The following LRCH2 variants were observed in gnomAD, a reference collection of about 807,000 sequenced individuals.
LRCH2 encodes the protein leucine rich repeats and calponin homology domain containing 2.
In LRCH2, 38 loss-of-function variants were observed where a neutral mutation model predicts 68.9. That is an observed-to-expected ratio of 0.55 (90% CI 0.43 to 0.72). The LOEUF is 0.72. Ranked by LOEUF, LRCH2 falls within the 30% of genes least tolerant of loss-of-function variation. The pLI is 0.00. For synonymous variants in LRCH2, 191 were observed against 208.1 expected (o/e 0.92, Z 0.71); for missense variants, 528 against 572.9 (o/e 0.92, Z 0.80).
intron 2 of LRCH2, 151 bp downstream of exon 2, chrX:115,188,075 T>C: frequency 2.5e-6 from 1 of 405,402 alleles, no homozygotes; most frequent in Non-Finnish European, 4.1e-6. Flanking sequence ...GACAAAAGCC[T>C]ACAAAATAAT....
intron 5 of LRCH2, among the ~76,000 whole-genome samples, chrX:115,171,838 C>T (rs1311650932): frequency 9.2e-6 from 1 of 109,026 alleles, no homozygotes; most frequent in African/African-American, 3.3e-5. Context: ...CACCACCATG[C>T]CCGGCTAATC....
intron 1 of LRCH2, chrX:115,192,327 G>A: frequency 1.9e-6 from 2 of 1,079,077 alleles, no homozygotes; most frequent in Middle Eastern, 2.5e-4. Flanking sequence ...CCCACAGTGG[G>A]GGCCGCGACA....
intron 14 of LRCH2, among the ~76,000 whole-genome samples, chrX:115,135,311 G>A (rs781877807): frequency 9.3e-6 from 1 of 107,756 alleles, no homozygotes; most frequent in Non-Finnish European, 1.9e-5. Context: ...TGTATTTTTT[G>A]TAGAGACGGG....
At chrX:115,121,050 T>C (rs1190893148) in intron 20 of LRCH2, among the ~76,000 whole-genome samples, 3 of 105,876 alleles carry the variant, frequency 2.8e-5, no homozygotes, top group South Asian at 4.3e-4. Flanking sequence ...AGGGATAGCA[T>C]TGGGAGATAT....
chrX:115,141,346 T>A (rs1400678905), intron 14 of LRCH2, among the ~76,000 whole-genome samples: 2 of 111,307 alleles, frequency 1.8e-5, no homozygotes, highest in East Asian at 5.6e-4. Context: ...TTTAAACATT[T>A]TAGGGAGACA....
chrX:115,123,985 A>G lies in LRCH2; in HGVS notation c.1809T>C (p.Asp603=). The G allele has an allele frequency of 9.1e-7, 1 of 1,099,691 alleles. No homozygotes were observed. The highest frequency in any genetic ancestry group is 2.9e-5 in the Admixed American group (1 of 35,076). 90.6% of individuals were successfully genotyped at this position (1,099,691 alleles called of 1,213,427 possible). Reference sequence around the variant, plus strand: ...AGCCAAAGGGACTGTGTGAAAAACCATCAGTTCTGTCATATTCCTAAAAAA... The same window carrying G: ...AGCCAAAGGGACTGTGTGAAAAACCGTCAGTTCTGTCATATTCCTAAAAAA... ...PVSSEEYDRT[D]GFSHSPFGLK... is the part of the protein sequence containing the mutation. The change falls in exon 17 of 21, where the codon GAT becomes GAC. Residue 603 remains aspartate (D), a synonymous_variant. Coordinates refer to ENST00000317135, the MANE Select transcript of LRCH2 (RefSeq NM_020871.4).
chrX:115,224,212 G>C (rs2073103858), intron 1 of LRCH2, among the ~76,000 whole-genome samples: 1 of 111,552 alleles, frequency 9.0e-6, no homozygotes, highest in African/African-American at 3.3e-5. Flanking sequence ...GGTTTGATTG[G>C]TTGGGGAGGA....
intron 3 of LRCH2, among the ~76,000 whole-genome samples, chrX:115,180,047 G>T (rs2072679940): frequency 9.0e-6 from 1 of 110,727 alleles, no homozygotes; most frequent in Admixed American, 9.7e-5. Context: ...AAAACCAGAA[G>T]TAAGAATGAT....
At chrX:115,194,020 C>T (rs2072868184) in intron 1 of LRCH2, among the ~76,000 whole-genome samples, 2 of 111,117 alleles carry the variant, frequency 1.8e-5, no homozygotes, top group Non-Finnish European at 1.9e-5. Flanking sequence ...ATAAAAACAA[C>T]CTCCTCTCAG....
intron 14 of LRCH2, among the ~76,000 whole-genome samples, chrX:115,143,849 A>G (rs2072359564): frequency 8.9e-6 from 1 of 112,122 alleles, no homozygotes; most frequent in Non-Finnish European, 1.9e-5. Context: ...TTGTTGTGAT[A>G]CATCATAACA....
intron 1 of LRCH2, chrX:115,189,846 G>A (rs2072769742): frequency 4.3e-6 from 5 of 1,166,192 alleles, no homozygotes; most frequent in Admixed American, 2.6e-5. Context: ...GCTACGCGGG[G>A]TATTTCGACC....
At chrX:115,148,990 T>A (rs1232109016) in intron 14 of LRCH2, among the ~76,000 whole-genome samples, 2 of 111,746 alleles carry the variant, frequency 1.8e-5, no homozygotes, top group African/African-American at 6.5e-5. Flanking sequence ...ATCCTATTTA[T>A]TAGTGATATA....
chrX:115,122,733 A>C, intron 19 of LRCH2, 27 bp downstream of exon 19: 1 of 1,203,687 alleles, frequency 8.3e-7, no homozygotes, highest in Non-Finnish European at 1.1e-6. Context: ...TCCTTTAGAG[A>C]ACTAACAAAT....
At chrX:115,147,400 A>G (rs2072394947) in intron 14 of LRCH2, among the ~76,000 whole-genome samples, 1 of 111,514 alleles carries the variant, frequency 9.0e-6, no homozygotes, top group East Asian at 2.8e-4. Context: ...TCATTTTACT[A>G]TGTCCTAATA....
chrX:115,217,763 C>G (rs138235275), intron 1 of LRCH2, among the ~76,000 whole-genome samples: 183 of 111,544 alleles, frequency 1.6e-3, no homozygotes, highest in African/African-American at 5.7e-3. Flanking sequence ...ATTGCTGGGT[C>G]AAATGGTATT....
In LRCH2 at chrX:115,171,771, C is replaced by T. The variant is rs781982226; in HGVS notation, c.865-1339G>A. Among the ~76,000 whole-genome samples the T allele has an allele frequency of 1.6e-3, 176 of 108,834 alleles. 1 individual carries two copies. The highest frequency in any genetic ancestry group is 5.2e-3 in the African/African-American group (154 of 29,862). The allele number at this position is 108,834 out of a possible 115,157, so 94.5% of individuals were successfully genotyped here. A position where few individuals can be genotyped will look rare whatever the true frequency, so the allele number is the denominator to read the frequency against. On this transcript the variant is annotated intron_variant, in intron 5 of 20. Transcript: ENST00000317135. ...GCACAAACATGGCTCACTGCACCCT[C>T]GACATCCTGGGCTCAAGTGATCCTC...
intron 1 of LRCH2, among the ~76,000 whole-genome samples, chrX:115,212,972 TA>T (rs367910220): frequency 7.2e-4 from 69 of 95,193 alleles, no homozygotes; most frequent in South Asian, 1.7e-3. Context: ...CCTTGTCTCA[TA>T]AAAAAAAAAA....
intron 20 of LRCH2, among the ~76,000 whole-genome samples, chrX:115,120,916 C>T (rs1269177308): frequency 9.7e-6 from 1 of 103,620 alleles, no homozygotes; most frequent in African/African-American, 3.5e-5. Flanking sequence ...TAAACTATCG[C>T]AAGAACAAAA....
chrX:115,135,853 T>A (rs1258661693), intron 14 of LRCH2, among the ~76,000 whole-genome samples: 7 of 112,201 alleles, frequency 6.2e-5, no homozygotes, highest in African/African-American at 2.3e-4. Flanking sequence ...AAGGCTCAGA[T>A]AATTGTGAGT....
Sources: allele counts gnomAD v4.1 joint callset (sites outside exome capture counted in the v4.1 genomes callset), GRCh38; gene constraint gnomAD v4.1.1; transcripts MANE v1.5; gene names NCBI Gene and HGNC (gene_info 2026-07-23, HGNC 2026-07-21).